The following PRKN variants were observed in gnomAD, a reference collection of about 807,000 sequenced individuals.
PRKN encodes E3 ubiquitin-protein ligase parkin.
PRKN carries 56 observed loss-of-function variants against 59.5 expected under a neutral mutation model. That is an observed-to-expected ratio of 0.94 (90% CI 0.76 to 1.18). The LOEUF (loss-of-function observed/expected upper bound fraction) is 1.18. Among genes scored for constraint, PRKN ranks in the 50% most tolerant of loss-of-function variants. The pLI, the probability that PRKN is intolerant of heterozygous loss-of-function variation, is 0.00. For synonymous variants in PRKN, 250 were observed against 222.1 expected (o/e 1.13, Z -1.12); for missense variants, 657 against 596.4 (o/e 1.10, Z -1.06).
intron 5 of PRKN, among the ~76,000 whole-genome samples, chr6:162,005,805 G>T (rs796298799): frequency 1.3e-5 from 2 of 152,002 alleles, no homozygotes; most frequent in South Asian, 4.1e-4. Flanking sequence ...TTAGAAAACC[G>T]GTGCTAGATG....
chr6:162,012,115 C>T (rs1051692538), intron 5 of PRKN, among the ~76,000 whole-genome samples: 3 of 152,026 alleles, frequency 2.0e-5, no homozygotes, highest in South Asian at 2.1e-4. Flanking sequence ...CGTCATCCTG[C>T]GGAGATGAGA....
chr6:162,073,245 G>C (rs1240125561), intron 4 of PRKN, among the ~76,000 whole-genome samples: 1 of 152,164 alleles, frequency 6.6e-6, no homozygotes, highest in African/African-American at 2.4e-5. Context: ...CCCCAAACCT[G>C]GGACCACTTT....
At chr6:161,935,692 G>A (rs1562401226) in intron 6 of PRKN, among the ~76,000 whole-genome samples, 1 of 152,114 alleles carries the variant, frequency 6.6e-6, no homozygotes, top group South Asian at 2.1e-4. Flanking sequence ...TGAAATCACT[G>A]ATGTTTCTTG....
intron 9 of PRKN, among the ~76,000 whole-genome samples, chr6:161,416,644 G>C (rs774841333): frequency 4.1e-4 from 62 of 152,142 alleles, no homozygotes; most frequent in Non-Finnish European, 8.2e-4. Flanking sequence ...GCAGGAGACA[G>C]TGTCCTATAT....
In PRKN at chr6:161,405,513, G is replaced by A. The variant is rs1158264778; in HGVS notation, c.1084-18636C>T. ...GAATTGCTTGAACCCAAGATGTGCA[G>A]GTTGTAGTGACCCAAGATCGTGCCA... is the stretch of plus-strand genomic sequence containing the variant. On this transcript the variant is annotated intron_variant, in intron 9 of 11. Transcript: ENST00000366898. This position sits in a 1 kb window ranked among gnomAD's most constrained non-coding sequence, Gnocchi z 5.1. 6.6e-6 allele frequency among the ~76,000 whole-genome samples: 1 copy of A among 151,980 alleles called. No individual in the cohort carries two copies. The highest frequency in any genetic ancestry group is 1.5e-5 in the Non-Finnish European group (1 of 68,020).
At chr6:162,647,949 C>CAAAAAAAAAAAAAAAAAAAAAAAAAAAA (rs398003250) in intron 1 of PRKN, among the ~76,000 whole-genome samples, 1 of 75,650 alleles carries the variant, frequency 1.3e-5, no homozygotes, top group Admixed American at 1.7e-4. Flanking sequence ...GTCCACAGTG[C>CAAAAAAAAAAAAAAAAAAAAAAAAAAAA]AAAAAAAAAA....
chr6:162,264,621 C>T (rs1253132193), intron 2 of PRKN: 1 of 152,730 alleles, frequency 6.5e-6, no homozygotes, highest in African/African-American at 2.4e-5. Context: ...CGTCTCATCC[C>T]CAGGCCCTGT....
chr6:161,863,856 A>T (rs568163799), intron 6 of PRKN, among the ~76,000 whole-genome samples: 35 of 152,354 alleles, frequency 2.3e-4, no homozygotes, highest in African/African-American at 8.2e-4. Flanking sequence ...TTCCCAGTGC[A>T]TATAAAAGCC....
At chr6:161,936,234 G>A (rs868769808) in intron 6 of PRKN, among the ~76,000 whole-genome samples, 16 of 145,924 alleles carry the variant, frequency 1.1e-4, no homozygotes, top group Non-Finnish European at 1.9e-4. Flanking sequence ...TTTTGAGACA[G>A]AGTCTCGCTC....
chr6:161,719,301 A>G (rs79001190), intron 7 of PRKN, among the ~76,000 whole-genome samples: 3,168 of 152,158 alleles, frequency 0.021, 119 homozygotes, highest in African/African-American at 0.073. Context: ...GAAGAGAGGA[A>G]GGAAAAAGGA....
At chr6:161,958,168 A>G (rs1780251644) in intron 6 of PRKN, among the ~76,000 whole-genome samples, 1 of 152,202 alleles carries the variant, frequency 6.6e-6, no homozygotes, top group South Asian at 2.1e-4. Flanking sequence ...GCACAAAGAG[A>G]TAAAGACGCT....
At chr6:162,392,992 T>G (rs527697937) in intron 2 of PRKN, among the ~76,000 whole-genome samples, 1 of 151,874 alleles carries the variant, frequency 6.6e-6, no homozygotes. Context: ...AGGGCCACCA[T>G]GCAGCAATTC....
In PRKN at chr6:162,190,847, C is replaced by T. The variant is rs560151621; in HGVS notation, c.534+10284G>A. 2.6e-5 allele frequency among the ~76,000 whole-genome samples: 4 copies of T among 152,276 alleles called. No individual in the cohort carries two copies. The East Asian group carries it at 7.7e-4, about 29-fold the overall frequency. On this transcript the variant is annotated intron_variant, in intron 4 of 11. Coordinates refer to ENST00000366898, the MANE Select transcript of PRKN (RefSeq NM_004562.3). ...TCCCCAGTGAGATTTTTGAGCCATT[C>T]GCTTCTTAAGCACATAAATTAACCC...
chr6:161,655,564 C>A (rs1784315161), intron 7 of PRKN, among the ~76,000 whole-genome samples: 1 of 152,210 alleles, frequency 6.6e-6, no homozygotes, highest in Non-Finnish European at 1.5e-5. Context: ...GCAGACAGTC[C>A]ACTCCATCTG....
intron 6 of PRKN, among the ~76,000 whole-genome samples, chr6:161,968,357 G>A (rs935041807): frequency 3.3e-5 from 5 of 151,848 alleles, no homozygotes; most frequent in Admixed American, 1.3e-4. Context: ...GAGTCTTTTC[G>A]AAGGCCTGGT....
At chr6:161,904,779 G>A (rs985997590) in intron 6 of PRKN, among the ~76,000 whole-genome samples, 3 of 152,140 alleles carry the variant, frequency 2.0e-5, no homozygotes, top group Non-Finnish European at 4.4e-5. Context: ...GTCAAGAAGA[G>A]CGTGTGGCCA....
Position 162,541,813 on chromosome 6 carries a change from G to A in PRKN, c.8-98340C>T, listed in dbSNP as rs111629183. On this transcript the variant is annotated intron_variant, in intron 1 of 11. Coordinates refer to ENST00000366898, the MANE Select transcript of PRKN (RefSeq NM_004562.3). ...TACCCTAAGTATAAGAGTTAAAAACGAAGCCACTTAGTTTTTGTCTAGCAA... is the reference window on the plus strand; with the variant it reads ...TACCCTAAGTATAAGAGTTAAAAACAAAGCCACTTAGTTTTTGTCTAGCAA... 9.7e-3 allele frequency among the ~76,000 whole-genome samples: 1,479 copies of A among 152,034 alleles called. 25 individuals are homozygous for A. The highest frequency in any genetic ancestry group is 0.034 in the African/African-American group (1,410 of 41,366).
chr6:161,935,554 CA>C (rs773798640), intron 6 of PRKN, among the ~76,000 whole-genome samples: 629 of 82,580 alleles, frequency 7.6e-3, no homozygotes, highest in Middle Eastern at 0.019. Context: ...ACCTTGTTTC[CA>C]AAAAAAAAAA....
At chr6:161,955,934 T>C (rs1780154082) in intron 6 of PRKN, among the ~76,000 whole-genome samples, 1 of 152,158 alleles carries the variant, frequency 6.6e-6, no homozygotes. Flanking sequence ...ACAGTAAAGA[T>C]TATATACTCT....
Sources: gnomAD v4.1 joint callset for allele counts (sites outside exome capture counted in the v4.1 genomes callset) on GRCh38, gnomAD v4.1.1 for gene constraint, Gnocchi (gnomAD v3.1) non-coding constraint, MANE v1.5 for transcripts, NCBI Gene and HGNC (gene_info 2026-07-23, HGNC 2026-07-21) for gene names.